The following CLSTN2 variants were observed in gnomAD, a reference collection of about 807,000 sequenced individuals.
CLSTN2 encodes calsyntenin-2.
CLSTN2 carries 48 observed loss-of-function variants against 101.2 expected under a neutral mutation model. The observed-to-expected ratio is 0.47, with a 90% confidence interval of 0.38 to 0.60. CLSTN2 has a LOEUF of 0.60. CLSTN2 is among the 20% of genes least tolerant of loss of function. The pLI is 0.00. For missense variants in CLSTN2, 1,160 were observed against 1,238.2 expected, an observed-to-expected ratio of 0.94 and a Z score of 0.95; for synonymous variants, 481 against 463.6, an observed-to-expected ratio of 1.04 and a Z score of -0.48.
intron 2 of CLSTN2, among the ~76,000 whole-genome samples, chr3:140,231,105 T>C (rs2107860043): frequency 6.6e-6 from 1 of 152,296 alleles, no homozygotes; most frequent in South Asian, 2.1e-4. Flanking sequence ...CTCACCACCA[T>C]AACAGTCAAA....
At chr3:140,207,695 T>C (rs943461910) in intron 2 of CLSTN2, among the ~76,000 whole-genome samples, 2 of 152,182 alleles carry the variant, frequency 1.3e-5, no homozygotes, top group Non-Finnish European at 2.9e-5. Context: ...ATGCACTTGT[T>C]TGATTGTTGC....
At chr3:140,102,509 G>C (rs2008984773) in intron 1 of CLSTN2, among the ~76,000 whole-genome samples, 2 of 152,210 alleles carry the variant, frequency 1.3e-5, no homozygotes, top group Admixed American at 1.3e-4. Flanking sequence ...TCTTGCCTCT[G>C]ATTTCAAGTT....
chr3:140,154,924 A>G (rs1451456358), intron 1 of CLSTN2, among the ~76,000 whole-genome samples: 1 of 152,056 alleles, frequency 6.6e-6, no homozygotes, highest in Non-Finnish European at 1.5e-5. Context: ...CTTTTAAACC[A>G]TCATATCTCA....
At chr3:140,141,823 G>A (rs190836519) in intron 1 of CLSTN2, among the ~76,000 whole-genome samples, 8 of 152,296 alleles carry the variant, frequency 5.3e-5, no homozygotes, top group East Asian at 1.9e-4. Context: ...AGAAGCCAGC[G>A]TTTATGCTCC....
intron 1 of CLSTN2, among the ~76,000 whole-genome samples, chr3:139,941,269 A>T (rs1448423819): frequency 1.3e-5 from 2 of 152,050 alleles, no homozygotes; most frequent in African/African-American, 4.8e-5. Context: ...ACTGTGTAGG[A>T]CAGAGGATCA....
At chr3:140,544,802 G>T (rs986653510) in intron 9 of CLSTN2, among the ~76,000 whole-genome samples, 1 of 152,016 alleles carries the variant, frequency 6.6e-6, no homozygotes, top group African/African-American at 2.4e-5. Flanking sequence ...GGCAGAGGGG[G>T]ATCATGGAGG....
intron 2 of CLSTN2, among the ~76,000 whole-genome samples, chr3:140,285,328 T>C (rs188300242): frequency 1.0e-3 from 155 of 152,172 alleles, no homozygotes; most frequent in Middle Eastern, 3.4e-3. Context: ...AAGTTGTCTA[T>C]TGGGGAGTTG....
At chr3:139,980,400 G>A (rs1486151356) in intron 1 of CLSTN2, among the ~76,000 whole-genome samples, 2 of 151,986 alleles carry the variant, frequency 1.3e-5, no homozygotes, top group Non-Finnish European at 2.9e-5. Context: ...CTTCATTTAA[G>A]TCTCTGCTGA....
intron 2 of CLSTN2, among the ~76,000 whole-genome samples, chr3:140,321,882 G>C (rs961566732): frequency 1.3e-5 from 2 of 152,336 alleles, no homozygotes; most frequent in South Asian, 4.1e-4. Context: ...GAGAACGCAG[G>C]CTCGTAGGAA....
chr3:140,006,285 A>T (rs956293734), intron 1 of CLSTN2, among the ~76,000 whole-genome samples: 2 of 152,104 alleles, frequency 1.3e-5, no homozygotes, highest in Non-Finnish European at 2.9e-5. Context: ...TTGCAAGAAA[A>T]GTACTTGTGG....
At chr3:140,230,304 G>C (rs574745013) in intron 2 of CLSTN2, among the ~76,000 whole-genome samples, 132 of 152,282 alleles carry the variant, frequency 8.7e-4, no homozygotes, top group African/African-American at 2.9e-3. Flanking sequence ...AGCATCATAA[G>C]AGCAAAGGCA....
At chr3:140,223,070 G>T (rs925293970) in intron 2 of CLSTN2, among the ~76,000 whole-genome samples, 1 of 152,146 alleles carries the variant, frequency 6.6e-6, no homozygotes, top group Non-Finnish European at 1.5e-5. Flanking sequence ...TGGCTTGAAA[G>T]CTTGTCTTCT....
intron 1 of CLSTN2, among the ~76,000 whole-genome samples, chr3:139,976,087 G>C (rs2107821184): frequency 6.6e-6 from 1 of 152,210 alleles, no homozygotes; most frequent in East Asian, 1.9e-4. Context: ...GTTGTATGCA[G>C]AACATTGACA....
At chr3:140,011,441 C>A (rs918265918) in intron 1 of CLSTN2, among the ~76,000 whole-genome samples, 2 of 152,154 alleles carry the variant, frequency 1.3e-5, no homozygotes. Flanking sequence ...TTTTTCTCTA[C>A]CGCAGATGAC....
chr3:139,985,554 C>A (rs1248386721), intron 1 of CLSTN2, among the ~76,000 whole-genome samples: 1 of 152,034 alleles, frequency 6.6e-6, no homozygotes, highest in Non-Finnish European at 1.5e-5. Context: ...ATTCTGTGTG[C>A]GTGTATGATT....
At chr3:140,322,896 A>G (rs1036067634) in intron 2 of CLSTN2, among the ~76,000 whole-genome samples, 3 of 152,190 alleles carry the variant, frequency 2.0e-5, no homozygotes, top group Admixed American at 1.3e-4. Context: ...AATCATGTAC[A>G]TTATCTGAAT....
intron 1 of CLSTN2, among the ~76,000 whole-genome samples, chr3:140,127,946 A>G (rs555916769): frequency 6.6e-6 from 1 of 152,290 alleles, no homozygotes; most frequent in South Asian, 2.1e-4. Flanking sequence ...TTATTTAAAT[A>G]ATCATAGTAA....
At chr3:140,085,890 G>GAA (rs2008672852) in intron 1 of CLSTN2, among the ~76,000 whole-genome samples, 1 of 152,168 alleles carries the variant, frequency 6.6e-6, no homozygotes, top group East Asian at 1.9e-4. Context: ...AGCTCTTCAT[G>GAA]AAAGTCTGTG....
rs60464575 is a variant in CLSTN2, at chr3:140,163,419, T to TACACACACACACAC, written c.110-12514_110-12501dup. 2.5e-3 allele frequency among the ~76,000 whole-genome samples: 368 copies of TACACACACACACAC among 145,118 alleles called. 2 individuals are homozygous for TACACACACACACAC. Among genetic ancestry groups the TACACACACACACAC allele is most frequent in the African/African-American group, 9.0e-3 (356 of 39,688 alleles). On this transcript the variant is annotated intron_variant, in intron 1 of 16. Coordinates refer to ENST00000458420, the MANE Select transcript of CLSTN2 (RefSeq NM_022131.3). Reference sequence around the variant, plus strand: ...TCAATTCTTTAAAATTTTCTATCTCTACACACACACACACACACACACACA... The same window carrying TACACACACACACAC: ...TCAATTCTTTAAAATTTTCTATCTCTACACACACACACACACACACACACACACACACACACACA...
Sources: gnomAD v4.1 joint callset for allele counts (sites outside exome capture counted in the v4.1 genomes callset) on GRCh38, gnomAD v4.1.1 for gene constraint, MANE v1.5 for transcripts, NCBI Gene and HGNC (gene_info 2026-07-23, HGNC 2026-07-21) for gene names.